Variants in PLXNA4 observed in about 807,000 individuals in gnomAD.
The protein encoded by PLXNA4 is plexin A4.
Under a neutral mutation model 191.8 loss-of-function variants are expected in PLXNA4, and 44 were observed. The observed-to-expected ratio is 0.23, with a 90% CI of 0.18 to 0.29. The LOEUF is 0.29. Among genes scored for constraint, PLXNA4 ranks in the 10% least tolerant of loss-of-function variants. The pLI is 1.00. For missense variants in PLXNA4, 1,800 were observed against 2,488.8 expected (o/e 0.72, Z 5.89); for synonymous variants, 1,082 against 1,009.5 (o/e 1.07, Z -1.36).
chr7:132,203,593 T>G (rs1161449539), intron 10 of PLXNA4, among the ~76,000 whole-genome samples, 174 bp from the exon 11 acceptor site: 1 of 152,196 alleles, frequency 6.6e-6, no homozygotes, highest in African/African-American at 2.4e-5. Flanking sequence ...TGCACATGTG[T>G]GTACAGGCAG....
At chr7:132,598,634 C>T (rs891253219) in intron 2 of PLXNA4, among the ~76,000 whole-genome samples, 3 of 152,238 alleles carry the variant, frequency 2.0e-5, no homozygotes, top group Middle Eastern at 3.4e-3. Context: ...GAGTTCTCAT[C>T]GTTTGCTTGT....
intron 5 of PLXNA4, among the ~76,000 whole-genome samples, chr7:132,232,236 G>A (rs1798547950): frequency 6.6e-6 from 1 of 152,056 alleles, no homozygotes; most frequent in Admixed American, 6.6e-5. Context: ...GAGGCCTCAG[G>A]TACTCCTAAA....
chr7:132,542,010 T>A (rs986628794), intron 1 of PLXNA4, among the ~76,000 whole-genome samples: 1 of 152,156 alleles, frequency 6.6e-6, no homozygotes. Context: ...ATCTAATATA[T>A]GTTTAGAAGA....
At chr7:132,325,685 G>A (rs140088967) in intron 3 of PLXNA4, among the ~76,000 whole-genome samples, 1 of 152,286 alleles carries the variant, frequency 6.6e-6, no homozygotes, top group Non-Finnish European at 1.5e-5. Flanking sequence ...CTCAAGGAGT[G>A]TGGCCCTGCT....
rs148732836 is a variant in PLXNA4 at position 132,180,832 on chromosome 7, G to C, written c.3493-100C>G. ...CACCTGGAGGTCCCATCCCGCTGGT[G>C]AGCTGGTGAAGAAGCCACCTTTGGT... On this transcript the variant is annotated intron_variant, in intron 18 of 31. Transcript: ENST00000321063. 68 of 1,517,700 alleles carry C rather than the reference G, an allele frequency of 4.5e-5. No individual in the cohort carries two copies. The East Asian group carries it at 1.6e-3, about 35-fold the overall frequency. 94.0% of individuals were successfully genotyped at this position (1,517,700 alleles called of 1,614,324 possible). A position where few individuals can be genotyped will look rare whatever the true frequency, so the allele number is the denominator to read the frequency against.
At chr7:132,546,921 T>G (rs1455080215) in intron 1 of PLXNA4, among the ~76,000 whole-genome samples, 1 of 152,136 alleles carries the variant, frequency 6.6e-6, no homozygotes, top group African/African-American at 2.4e-5. Flanking sequence ...AATGAAAATA[T>G]GCAAGTCAAA....
intron 3 of PLXNA4, among the ~76,000 whole-genome samples, chr7:132,406,555 C>A (rs1794226385): frequency 6.6e-6 from 1 of 152,220 alleles, no homozygotes; most frequent in South Asian, 2.1e-4. Context: ...TTCAGAGCAT[C>A]TGCTCCCTCC....
chr7:132,424,252 G>T (rs1165869619), intron 3 of PLXNA4, among the ~76,000 whole-genome samples: 1 of 152,120 alleles, frequency 6.6e-6, no homozygotes, highest in Non-Finnish European at 1.5e-5. Context: ...CTGCTGGTCT[G>T]CCCCCCGCTC....
rs1794805711 is a variant in PLXNA4, at chr7:132,127,645, ATT to A, written c.*2832_*2833del. The A allele has an allele frequency of 6.6e-6, 1 of 152,172 alleles. No homozygotes were observed. Among genetic ancestry groups the A allele is most frequent in the African/African-American group, 2.4e-5 (1 of 41,444 alleles). 9.4% of individuals were successfully genotyped at this position (152,172 alleles called of 1,614,324 possible). A position where few individuals can be genotyped will look rare whatever the true frequency, so the allele number is the denominator to read the frequency against. The stretch of plus-strand genomic sequence containing the variant: ...CTGTGGCTCTGGATACCTGGCTCAA[ATT>A]TCTCAGTCCCCAAGCAGGCCACGGG... On this transcript the variant is annotated 3_prime_UTR_variant, in exon 32 of 32. Transcript: ENST00000321063.
At chr7:132,261,705 G>A (rs1438766527) in intron 4 of PLXNA4, among the ~76,000 whole-genome samples, 2 of 152,282 alleles carry the variant, frequency 1.3e-5, no homozygotes, top group East Asian at 3.9e-4. Flanking sequence ...GGCCAGCCTC[G>A]AGCAGTCCAC....
chr7:132,530,677 ATTTGATGGTTCCTCAAAAAG>A (rs1799585153), intron 1 of PLXNA4, among the ~76,000 whole-genome samples: 1 of 152,250 alleles, frequency 6.6e-6, no homozygotes, highest in African/African-American at 2.4e-5. Context: ...GTGGAAAACT[ATTTGATGGTTCCTCAAAAAG>A]CTAAACATAG....
chr7:132,482,895 G>A (rs73444830), intron 3 of PLXNA4, among the ~76,000 whole-genome samples: 3,707 of 152,018 alleles, frequency 0.024, 105 homozygotes, highest in African/African-American at 0.068. Flanking sequence ...GTTTTACCAC[G>A]TTGGTCATGC....
chr7:132,145,303 T>C lies in PLXNA4; in HGVS notation c.5056-15A>G, dbSNP rs370112782. The C allele has an allele frequency of 1.4e-4, 229 of 1,613,860 alleles. No homozygotes were observed. The highest frequency in any genetic ancestry group is 1.9e-4 in the Non-Finnish European group (224 of 1,179,844). ...TGCAGTGTGCCCTGGAGAGGCAGGA[T>C]ACGTCCAGACACAGCTCGACTCACG... On this transcript the variant is annotated splice_polypyrimidine_tract_variant and intron_variant, in intron 28 of 31. Coordinates refer to ENST00000321063, the MANE Select transcript of PLXNA4 (RefSeq NM_020911.2).
At chr7:132,151,310 GAAGGAGGAGGAGGAGGAA>G (rs1562884887) in intron 25 of PLXNA4, among the ~76,000 whole-genome samples, 42 of 35,556 alleles carry the variant, frequency 1.2e-3, no homozygotes, top group South Asian at 2.4e-3. Context: ...GGAGGAGGAA[GAAGGAGGAGGAGGAGGAA>G]GAAGAAGGAG....
In PLXNA4 at chr7:132,220,515, C is replaced by T. The variant is rs543537728; in HGVS notation, c.2097+3012G>A. 2.5e-4 allele frequency among the ~76,000 whole-genome samples: 38 copies of T among 152,312 alleles called. 1 individual carries two copies. Among genetic ancestry groups the T allele is most frequent in the Admixed American group, 4.6e-4 (7 of 15,292 alleles). Reference sequence around the variant, plus strand: ...CCCCAGAGCCCCTCCCTGCCATGGCCTGCCAGGCTCACCATACTATGGCTC... The same window carrying T: ...CCCCAGAGCCCCTCCCTGCCATGGCTTGCCAGGCTCACCATACTATGGCTC... On this transcript the variant is annotated intron_variant, in intron 9 of 31. Transcript: ENST00000321063.
chr7:132,535,142 A>G (rs1799780380), intron 1 of PLXNA4, among the ~76,000 whole-genome samples: 1 of 152,236 alleles, frequency 6.6e-6, no homozygotes, highest in Admixed American at 6.5e-5. Flanking sequence ...CCAACTTATC[A>G]GACCAGAAAT....
chr7:132,259,774 A>G (rs1799571391), intron 4 of PLXNA4, among the ~76,000 whole-genome samples: 1 of 152,252 alleles, frequency 6.6e-6, no homozygotes, highest in Non-Finnish European at 1.5e-5. Flanking sequence ...ACATCCAGAC[A>G]ATGGAATATT....
At chr7:132,601,319 G>C (rs1307174124) in intron 2 of PLXNA4, among the ~76,000 whole-genome samples, 1 of 151,908 alleles carries the variant, frequency 6.6e-6, no homozygotes, top group Non-Finnish European at 1.5e-5. Context: ...TGATAGTGTG[G>C]TAGAGCCCGT....
At chr7:132,644,589 T>C (rs2116894976) in intron 2 of PLXNA4, among the ~76,000 whole-genome samples, 1 of 152,328 alleles carries the variant, frequency 6.6e-6, no homozygotes, top group Admixed American at 6.5e-5. Context: ...AACATTACTT[T>C]ACTCTAATAG....
Sources: gnomAD v4.1 joint callset for allele counts (sites outside exome capture counted in the v4.1 genomes callset) on GRCh38, gnomAD v4.1.1 for gene constraint, MANE v1.5 for transcripts, NCBI Gene and HGNC (gene_info 2026-07-23, HGNC 2026-07-21) for gene names.